The following PAK1 variants were observed in gnomAD, a reference collection of about 807,000 sequenced individuals.
PAK1 encodes the protein p21 (RAC1) activated kinase 1, also known as serine/threonine-protein kinase PAK 1.
PAK1 carries 29 observed loss-of-function variants against 67.4 expected under a neutral mutation model. The observed-to-expected ratio is 0.43, with a 90% confidence interval of 0.32 to 0.59. The LOEUF (loss-of-function observed/expected upper bound fraction) is 0.59, where lower values mean the gene tolerates loss of function less well. Among genes scored for constraint, PAK1 ranks in the 20% least tolerant of loss-of-function variants. The pLI, the probability that PAK1 is intolerant of heterozygous loss-of-function variation, is 0.07. For missense variants in PAK1, 337 were observed against 670.7 expected, an observed-to-expected ratio of 0.50 and a Z score of 5.50; for synonymous variants, 223 against 237.4, an observed-to-expected ratio of 0.94 and a Z score of 0.56.
In PAK1 at chr11:77,392,529, C is replaced by T. The variant is rs753590740; in HGVS notation, c.-9G>A. ...AGGCCGTTATTTGACATTGTCACCA[C>T]CAGCAGCAGCTACTAGAATCAGAAA... On this transcript the variant is annotated 5_prime_UTR_variant, in exon 2 of 15. The change creates a new upstream start codon in the 5' untranslated region. Coordinates refer to ENST00000356341, the MANE Select transcript of PAK1 (RefSeq NM_002576.5). 2 of 1,581,020 alleles carry T rather than the reference C, an allele frequency of 1.3e-6. No homozygotes were observed. Among genetic ancestry groups the T allele is most frequent in the Admixed American group, 1.8e-5 (1 of 56,302 alleles).
chr11:77,495,290 A>G, the PAK1 span, among the ~76,000 whole-genome samples: 3 of 151,826 alleles, frequency 2.0e-5, no homozygotes, highest in African/African-American at 7.3e-5. Flanking sequence ...CCTGGCCAAC[A>G]TGGTGAAACC....
rs1028619697 is a variant in PAK1, at chr11:77,336,012, A to C, written c.1413+74T>G. The C allele has an allele frequency of 4.2e-6, 4 of 947,790 alleles. No homozygotes were observed. The African/African-American group carries it at 6.5e-5, about 15-fold the overall frequency. The allele number at this position is 947,790 out of a possible 1,614,324, so 58.7% of individuals were successfully genotyped here. A position where few individuals can be genotyped will look rare whatever the true frequency, so the allele number is the denominator to read the frequency against. ...ATCTCCAGGTTGAAAACCACAGAGA[A>C]CACCCTGGATTCTTATTTCCTGGGA... is the stretch of plus-strand genomic sequence containing the variant. On this transcript the variant is annotated intron_variant, in intron 13 of 14. Coordinates refer to ENST00000356341, the MANE Select transcript of PAK1 (RefSeq NM_002576.5).
chr11:77,463,902 C>T (rs1243190626), intron 1 of PAK1, among the ~76,000 whole-genome samples: 1 of 152,082 alleles, frequency 6.6e-6, no homozygotes, highest in African/African-American at 2.4e-5. Flanking sequence ...ATACGGTTAG[C>T]CTTAAAGAAA....
chr11:77,471,552 G>A (rs994791449), intron 1 of PAK1, among the ~76,000 whole-genome samples: 2 of 152,274 alleles, frequency 1.3e-5, no homozygotes, highest in Middle Eastern at 3.4e-3. Context: ...GGCAGGTAAG[G>A]GGTGGAAGGG....
intron 5 of PAK1, among the ~76,000 whole-genome samples, chr11:77,369,335 CT>C (rs960503184): frequency 6.6e-6 from 1 of 151,694 alleles, no homozygotes; most frequent in African/African-American, 2.4e-5. Context: ...TTGAATCCCC[CT>C]GACCAACCCT....
chr11:77,333,486 CT>C (rs1449225759), intron 13 of PAK1, among the ~76,000 whole-genome samples: 1 of 152,174 alleles, frequency 6.6e-6, no homozygotes, highest in Non-Finnish European at 1.5e-5. Context: ...GCGTGAGTCA[CT>C]GTGCCTGGCT....
At position 77,332,693 on chromosome 11, in the gene PAK1, CCCTGAATTAGGTGCTT is replaced by C. The variant is rs1173814939; in HGVS notation, c.1551+21_1551+36del. 5.0e-6 allele frequency: 8 copies of C among 1,585,982 alleles called. No individual in the cohort carries two copies. In the Admixed American group the frequency reaches 1.3e-4, roughly 27 times the overall value. On this transcript the variant is annotated intron_variant, in intron 14 of 14. Transcript: ENST00000356341. Reference sequence around the variant, plus strand: ...GTAAAAAAGGCCTGGTTTAGTGATTCCCTGAATTAGGTGCTTCCCTGCATAAGGACAGTTACCTGTA... The same window carrying C: ...GTAAAAAAGGCCTGGTTTAGTGATTCCCCTGCATAAGGACAGTTACCTGTA...
chr11:77,525,597 G>A, the PAK1 span, among the ~76,000 whole-genome samples: 1 of 152,142 alleles, frequency 6.6e-6, no homozygotes, highest in African/African-American at 2.4e-5. Flanking sequence ...CAAGACAATG[G>A]AATAATTTCT....
chr11:77,418,453 T>G (rs530644863), intron 1 of PAK1, among the ~76,000 whole-genome samples: 1 of 152,324 alleles, frequency 6.6e-6, no homozygotes, highest in African/African-American at 2.4e-5. Context: ...TTCCAATAAT[T>G]CAGTCTGAAG....
At chr11:77,466,075 T>C (rs1280810613) in intron 1 of PAK1, among the ~76,000 whole-genome samples, 1 of 152,256 alleles carries the variant, frequency 6.6e-6, no homozygotes, top group Non-Finnish European at 1.5e-5. Flanking sequence ...ATTTTGTTCC[T>C]GTAGCCCATT....
At chr11:77,480,406 GTATTT>G in the PAK1 span, among the ~76,000 whole-genome samples, 1 of 149,634 alleles carries the variant, frequency 6.7e-6, no homozygotes, top group African/African-American at 2.5e-5. Flanking sequence ...TAAATTTTCT[GTATTT>G]TATTATTTTA....
intron 1 of PAK1, among the ~76,000 whole-genome samples, chr11:77,456,657 C>G (rs1565715742): frequency 6.6e-6 from 1 of 152,124 alleles, no homozygotes; most frequent in Non-Finnish European, 1.5e-5. Flanking sequence ...TCTTATGTGC[C>G]AAAATTTGCT....
intron 1 of PAK1, among the ~76,000 whole-genome samples, chr11:77,472,156 T>A (rs934623517): frequency 6.6e-6 from 1 of 152,218 alleles, no homozygotes; most frequent in Non-Finnish European, 1.5e-5. Flanking sequence ...TCCAGTAATG[T>A]TGGATAAACG....
chr11:77,333,013 C>T, intron 13 of PAK1, 146 bp from the exon 14 acceptor site: 1 of 694,204 alleles, frequency 1.4e-6, no homozygotes, highest in Non-Finnish European at 2.4e-6. Context: ...AGAGTATGAC[C>T]TAAGGATCAG....
intron 9 of PAK1, among the ~76,000 whole-genome samples, chr11:77,347,926 C>A (rs1008712333): frequency 2.6e-5 from 4 of 152,008 alleles, no homozygotes; most frequent in Admixed American, 2.0e-4. Flanking sequence ...ATGACTTGCC[C>A]AAGGTTATAT....
intron 9 of PAK1, among the ~76,000 whole-genome samples, chr11:77,344,320 G>C (rs561056595): frequency 6.6e-6 from 1 of 152,176 alleles, no homozygotes; most frequent in Non-Finnish European, 1.5e-5. Flanking sequence ...AAATGCTAGC[G>C]AAACATAAAA....
the PAK1 span, among the ~76,000 whole-genome samples, chr11:77,484,290 G>A: frequency 7.3e-5 from 11 of 151,418 alleles, no homozygotes; most frequent in Admixed American, 2.0e-4. Context: ...GGGCCCACAA[G>A]AGAAAACCAG....
chr11:77,472,154 T>C (rs903465373), intron 1 of PAK1, among the ~76,000 whole-genome samples: 6 of 152,200 alleles, frequency 3.9e-5, no homozygotes, highest in Non-Finnish European at 7.3e-5. Context: ...ACTCCAGTAA[T>C]GTTGGATAAA....
the PAK1 span, among the ~76,000 whole-genome samples, chr11:77,515,932 G>A: frequency 1.3e-5 from 2 of 152,132 alleles, no homozygotes; most frequent in Admixed American, 6.5e-5. Flanking sequence ...CCAATCATAA[G>A]CATCCTAGAA....
Sources: gnomAD v4.1 joint callset for allele counts (sites outside exome capture counted in the v4.1 genomes callset) on GRCh38, gnomAD v4.1.1 for gene constraint, MANE v1.5 for transcripts, NCBI Gene and HGNC (gene_info 2026-07-23, HGNC 2026-07-21) for gene names.